Variants in ARMCX4 observed in about 807,000 individuals in gnomAD.
The protein encoded by ARMCX4 is armadillo repeat containing X-linked 4.
ARMCX4 carries 3 observed loss-of-function variants against 34.7 expected under a neutral mutation model. That is an observed-to-expected ratio of 0.09 (90% confidence interval 0.04 to 0.22). The LOEUF (loss-of-function observed/expected upper bound fraction) is 0.22. Ranked by LOEUF, ARMCX4 falls within the 10% of genes least tolerant of loss-of-function variation. The pLI, the probability that ARMCX4 is intolerant of heterozygous loss-of-function variation, is 1.00. For missense variants in ARMCX4, 1,448 were observed against 1,720.8 expected (o/e 0.84, Z 2.81); for synonymous variants, 513 against 632.8 (o/e 0.81, Z 2.84).
intron 11 of ARMCX4, among the ~76,000 whole-genome samples, chrX:101,518,490 G>A (rs1029393348): frequency 9.9e-5 from 11 of 110,997 alleles, no homozygotes; most frequent in Non-Finnish European, 1.1e-4. Flanking sequence ...AGTGACTAGA[G>A]GGAAAAATTT....
downstream of ARMCX4, among the ~76,000 whole-genome samples, chrX:101,496,160 C>G (rs1267435733): frequency 1.8e-5 from 2 of 110,071 alleles, no homozygotes; most frequent in Admixed American, 2.0e-4. Context: ...GAGAGTCAGG[C>G]AGTAGAGGTG....
chrX:101,448,918 T>G (rs1167105957), downstream of ARMCX4, among the ~76,000 whole-genome samples: 1 of 100,103 alleles, frequency 1.0e-5, no homozygotes, highest in African/African-American at 3.7e-5. Context: ...TTTCCTTTTT[T>G]TTTTTTTTTT....
At chrX:101,534,140 A>G (rs1556022877), downstream of ARMCX4, among the ~76,000 whole-genome samples, 1 of 112,205 alleles carries the variant, frequency 8.9e-6, no homozygotes, top group Non-Finnish European at 1.9e-5. Flanking sequence ...AGACATATCC[A>G]TTCATTCAGT....
intron 2 of ARMCX4, among the ~76,000 whole-genome samples, chrX:101,428,443 C>G (rs782350043): frequency 2.8e-4 from 31 of 112,252 alleles, no homozygotes; most frequent in Non-Finnish European, 5.1e-4. Context: ...ATATCTTGGT[C>G]TAGTTACACC....
At chrX:101,525,586 G>A (rs1158380966) in intron 11 of ARMCX4, among the ~76,000 whole-genome samples, 1 of 111,296 alleles carries the variant, frequency 9.0e-6, no homozygotes. Context: ...AAGATTAGAC[G>A]AATGGCTAAC....
At chrX:101,422,596 TG>T (rs1962940102) in intron 2 of ARMCX4, among the ~76,000 whole-genome samples, 1 of 111,359 alleles carries the variant, frequency 9.0e-6, no homozygotes, top group East Asian at 2.8e-4. Flanking sequence ...TTCAGACTCT[TG>T]GAGCCAGAGG....
chrX:101,477,290 A>C (rs1343456133), intron 4 of ARMCX4, among the ~76,000 whole-genome samples: 1 of 107,756 alleles, frequency 9.3e-6, no homozygotes, highest in Non-Finnish European at 1.9e-5. Flanking sequence ...AAATACAAAA[A>C]TTAGCCCGAC....
chrX:101,502,495 C>T (rs781800498), intron 7 of ARMCX4, among the ~76,000 whole-genome samples: 11 of 111,903 alleles, frequency 9.8e-5, no homozygotes, highest in African/African-American at 3.6e-4. Context: ...CTGCCTTGGT[C>T]TCCCAAAGTG....
At chrX:101,486,185 G>T (rs1364441983) in intron 2 of ARMCX4, 93 bp downstream of exon 2, 1 of 110,819 alleles carries the variant, frequency 9.0e-6, no homozygotes, top group Non-Finnish European at 1.9e-5. Flanking sequence ...TGGGATGTGG[G>T]GTGGGGCTAG....
At chrX:101,480,720 G>A (rs1933410430), upstream of ARMCX4, among the ~76,000 whole-genome samples, 1 of 111,537 alleles carries the variant, frequency 9.0e-6, no homozygotes, top group South Asian at 3.7e-4. Context: ...AGCTGAATAG[G>A]AAAATACTCA....
At chrX:101,518,195 T>C (rs1934781693) in intron 11 of ARMCX4, among the ~76,000 whole-genome samples, 1 of 111,658 alleles carries the variant, frequency 9.0e-6, no homozygotes, top group Admixed American at 9.5e-5. Context: ...TTCTGTAAAG[T>C]TTAATGCAAT....
At chrX:101,439,260 G>A (rs376520462) in intron 2 of ARMCX4, among the ~76,000 whole-genome samples, 6,984 of 111,256 alleles carry the variant, frequency 0.063, 218 homozygotes, top group African/African-American at 0.13. Context: ...GAAATTCTGG[G>A]TTGAAAATTC....
intron 4 of ARMCX4, among the ~76,000 whole-genome samples, chrX:101,457,944 G>A (rs974135070): frequency 5.4e-5 from 6 of 110,111 alleles, no homozygotes; most frequent in East Asian, 2.9e-4. Context: ...GTTTCACCAC[G>A]TTGGCCAGGC....
chrX:101,471,595 C>T (rs1305227616), intron 4 of ARMCX4, among the ~76,000 whole-genome samples: 4 of 111,933 alleles, frequency 3.6e-5, no homozygotes, highest in East Asian at 2.8e-4. Context: ...TCTCCCAGCA[C>T]GCAGCTGGAG....
At chrX:101,442,768 C>A (rs1931378943) in intron 2 of ARMCX4, among the ~76,000 whole-genome samples, 1 of 111,109 alleles carries the variant, frequency 9.0e-6, no homozygotes, top group African/African-American at 3.3e-5. Context: ...TGTCTCCAGG[C>A]CACTGTCCCC....
At chrX:101,531,276 C>T (rs1319537476) in intron 11 of ARMCX4, among the ~76,000 whole-genome samples, 1 of 111,964 alleles carries the variant, frequency 8.9e-6, no homozygotes, top group Non-Finnish European at 1.9e-5. Context: ...ATAATCACAT[C>T]TGCAAAGTCC....
chrX:101,431,295 T>C (rs897679349), intron 2 of ARMCX4, among the ~76,000 whole-genome samples: 4 of 111,615 alleles, frequency 3.6e-5, no homozygotes, highest in African/African-American at 6.5e-5. Flanking sequence ...GAGTTGGGTG[T>C]CACTCCCCAG....
chrX:101,521,319 A>G (rs1159173764), intron 11 of ARMCX4, among the ~76,000 whole-genome samples: 2 of 111,445 alleles, frequency 1.8e-5, no homozygotes, highest in African/African-American at 3.3e-5. Context: ...TATTTGTCCA[A>G]TTTCATATAT....
At chrX:101,486,428 G>C (rs1356598193) in intron 2 of ARMCX4, among the ~76,000 whole-genome samples, 6 of 110,721 alleles carry the variant, frequency 5.4e-5, no homozygotes, top group Admixed American at 2.9e-4. Context: ...TTCCCCTATA[G>C]CTTTTCTCTT....
Sources: gnomAD v4.1 joint callset for allele counts (sites outside exome capture counted in the v4.1 genomes callset) on GRCh38, gnomAD v4.1.1 for gene constraint, MANE v1.5 for transcripts, NCBI Gene and HGNC (gene_info 2026-07-23, HGNC 2026-07-21) for gene names.